FOXP2: variants seen among roughly 807,000 people sequenced by gnomAD.
FOXP2 encodes the protein forkhead box protein P2.
FOXP2 carries 12 observed loss-of-function variants against 115.8 expected under a neutral mutation model. The observed-to-expected ratio is 0.10, with a 90% CI of 0.07 to 0.17. FOXP2 has a LOEUF of 0.17. Ranked by LOEUF, FOXP2 falls within the 10% of genes least tolerant of loss-of-function variation. FOXP2 has a pLI of 1.00. For missense variants in FOXP2, 629 were observed against 843.5 expected, an observed-to-expected ratio of 0.75 and a Z score of 3.15; for synonymous variants, 328 against 297.7, an observed-to-expected ratio of 1.10 and a Z score of -1.05.
At chr7:114,528,317 A>G (rs1385586543) in intron 2 of FOXP2, among the ~76,000 whole-genome samples, 2 of 152,070 alleles carry the variant, frequency 1.3e-5, no homozygotes, top group Non-Finnish European at 2.9e-5. Flanking sequence ...GCTTCTCAAC[A>G]AAAAATAATT....
intron 3 of FOXP2, among the ~76,000 whole-genome samples, chr7:114,544,502 T>G (rs1246155495): frequency 6.6e-6 from 1 of 152,220 alleles, no homozygotes; most frequent in Non-Finnish European, 1.5e-5. Context: ...GAAAATTCCT[T>G]TGCATAGTAT....
intron 2 of FOXP2, among the ~76,000 whole-genome samples, chr7:114,458,975 C>T (rs935951502): frequency 3.3e-5 from 5 of 152,070 alleles, no homozygotes; most frequent in Non-Finnish European, 7.4e-5. Context: ...TGGCTTCATC[C>T]GGAGGTGGGG....
chr7:114,611,087 T>G (rs575696790), intron 3 of FOXP2, among the ~76,000 whole-genome samples: 1 of 152,310 alleles, frequency 6.6e-6, no homozygotes, highest in East Asian at 1.9e-4. Flanking sequence ...AGTAAGTTAT[T>G]CAGGAGTAAT....
At chr7:114,179,999 A>G (rs1793416870) in intron 1 of FOXP2, among the ~76,000 whole-genome samples, 1 of 151,974 alleles carries the variant, frequency 6.6e-6, no homozygotes, top group African/African-American at 2.4e-5. Context: ...GATTGAATAA[A>G]GTACTGGCTG....
intron 16 of FOXP2, among the ~76,000 whole-genome samples, chr7:114,678,323 G>A (rs1362778607): frequency 1.3e-5 from 2 of 152,104 alleles, no homozygotes; most frequent in African/African-American, 2.4e-5. Context: ...CTCAGGACAG[G>A]CAGCCTGCCT....
chr7:114,444,816 A>G (rs1217330826), intron 2 of FOXP2, among the ~76,000 whole-genome samples: 1 of 152,160 alleles, frequency 6.6e-6, no homozygotes, highest in African/African-American at 2.4e-5. Flanking sequence ...GATTACAGTT[A>G]ACATTTTAAA....
chr7:114,469,662 G>A (rs895495866), intron 2 of FOXP2, among the ~76,000 whole-genome samples: 4 of 152,102 alleles, frequency 2.6e-5, no homozygotes, highest in Non-Finnish European at 4.4e-5. Context: ...GCATTAGGAA[G>A]CAATGAAGAT....
intron 2 of FOXP2, among the ~76,000 whole-genome samples, chr7:114,441,612 T>G (rs1794610893): frequency 6.6e-6 from 1 of 152,206 alleles, no homozygotes. Context: ...AAGCAATTTC[T>G]CTAAAATTTG....
At chr7:114,304,536 G>C (rs1369140399) in intron 2 of FOXP2, among the ~76,000 whole-genome samples, 2 of 151,626 alleles carry the variant, frequency 1.3e-5, no homozygotes, top group African/African-American at 4.8e-5. Flanking sequence ...CAGAAGTGGT[G>C]GTGCGTGCCT....
Position 114,121,082 on chromosome 7 carries a change from G to A in FOXP2, c.-247+33244G>A, listed in dbSNP as rs577919718. Among the ~76,000 whole-genome samples the A allele has an allele frequency of 8.5e-5, 13 of 152,152 alleles. No homozygotes were observed. The South Asian group carries it at 1.0e-3, about 12-fold the overall frequency. ...AGAATATTATGGACTGAATGTTTAC[G>A]TTCCTCCAAAAATTATATGTTGAAA... On this transcript the variant is annotated intron_variant, in intron 1 of 19. Transcript: ENST00000635638.
intron 2 of FOXP2, among the ~76,000 whole-genome samples, chr7:114,369,264 C>A (rs1457892225): frequency 1.3e-5 from 2 of 152,162 alleles, no homozygotes; most frequent in East Asian, 3.9e-4. Context: ...GTAAAGTCAG[C>A]CCAATTTTAA....
intron 2 of FOXP2, among the ~76,000 whole-genome samples, chr7:114,374,149 G>A (rs946572316): frequency 6.6e-6 from 1 of 152,116 alleles, no homozygotes; most frequent in Non-Finnish European, 1.5e-5. Flanking sequence ...TCATATGCCA[G>A]GCAAATTTTG....
intron 2 of FOXP2, among the ~76,000 whole-genome samples, chr7:114,484,759 T>C (rs1440686257): frequency 6.6e-6 from 1 of 151,988 alleles, no homozygotes; most frequent in African/African-American, 2.4e-5. Flanking sequence ...ATTTTGTGCC[T>C]TTAAAATGTA....
chr7:114,507,596 C>G (rs917874284), intron 2 of FOXP2, among the ~76,000 whole-genome samples: 4 of 151,860 alleles, frequency 2.6e-5, no homozygotes, highest in South Asian at 4.1e-4. Context: ...GGCATTGACT[C>G]AATGACTGAA....
chr7:114,334,894 G>C (rs1341925787), intron 2 of FOXP2, among the ~76,000 whole-genome samples: 1 of 141,972 alleles, frequency 7.0e-6, no homozygotes, highest in African/African-American at 2.6e-5. Context: ...ATCTCTGTGT[G>C]TGTGTGTGTA....
At chr7:114,115,430 A>G (rs1791376690) in intron 1 of FOXP2, among the ~76,000 whole-genome samples, 1 of 152,144 alleles carries the variant, frequency 6.6e-6, no homozygotes, top group Admixed American at 6.6e-5. Flanking sequence ...TCCTTAACAT[A>G]GTGATCAGAG....
chr7:114,490,760 G>GT (rs1439451158), intron 2 of FOXP2, among the ~76,000 whole-genome samples: 6 of 151,990 alleles, frequency 3.9e-5, no homozygotes, highest in African/African-American at 1.2e-4. Context: ...GCGGTGTTTG[G>GT]TTTTTTGTCC....
intron 16 of FOXP2, among the ~76,000 whole-genome samples, chr7:114,676,666 T>C (rs1003213633): frequency 2.0e-5 from 3 of 152,194 alleles, no homozygotes; most frequent in African/African-American, 7.2e-5. Context: ...TTAAAAGATG[T>C]ATTTCTTTTG....
intron 2 of FOXP2, among the ~76,000 whole-genome samples, chr7:114,513,647 A>G (rs979113036): frequency 6.6e-6 from 1 of 152,134 alleles, no homozygotes; most frequent in African/African-American, 2.4e-5. Context: ...AAAAAGTTTT[A>G]TGTAGAAGAG....
Sources: gnomAD v4.1 joint callset for allele counts (sites outside exome capture counted in the v4.1 genomes callset) on GRCh38, gnomAD v4.1.1 for gene constraint, MANE v1.5 for transcripts, NCBI Gene and HGNC (gene_info 2026-07-23, HGNC 2026-07-21) for gene names.